Variants in SPATA18 observed in about 807,000 individuals in gnomAD.
SPATA18 encodes the protein mitochondria-eating protein.
In SPATA18, 54 loss-of-function variants were observed where a neutral mutation model predicts 68.1. The ratio of observed to expected loss-of-function variants is 0.79; its 90% CI spans 0.64 to 0.99. SPATA18 has a LOEUF of 0.99. Among genes scored for constraint, SPATA18 ranks in the 50% least tolerant of loss-of-function variants. The probability of loss-of-function intolerance (pLI) is 0.00; values close to 1 mark genes in which losing one functional copy is unlikely to be tolerated. For synonymous variants in SPATA18, 242 were observed against 244.8 expected (o/e 0.99, Z 0.11); for missense variants, 724 against 681.1 (o/e 1.06, Z -0.70).
intron 1 of SPATA18, among the ~76,000 whole-genome samples, chr4:52,052,129 G>A (rs982435288): frequency 6.6e-6 from 1 of 152,040 alleles, no homozygotes; most frequent in African/African-American, 2.4e-5. Flanking sequence ...GTCTGGTCAT[G>A]CCTGCCACTC....
chr4:52,082,610 G>C (rs966470473), intron 10 of SPATA18, 100 bp downstream of exon 10: 1 of 1,605,540 alleles, frequency 6.2e-7, no homozygotes, highest in South Asian at 1.1e-5. Context: ...AGTTTATAAA[G>C]AGTTGATAAG....
intron 1 of SPATA18, among the ~76,000 whole-genome samples, chr4:52,059,858 A>G (rs1738672889): frequency 6.6e-6 from 1 of 152,248 alleles, no homozygotes; most frequent in African/African-American, 2.4e-5. Context: ...AAAGCAGGTA[A>G]ATTCGGCAGT....
intron 4 of SPATA18, among the ~76,000 whole-genome samples, chr4:52,068,900 G>T (rs2109446531): frequency 6.6e-6 from 1 of 151,742 alleles, no homozygotes; most frequent in East Asian, 1.9e-4. Context: ...TTCTTACTTT[G>T]TCACCCAGGC....
intron 6 of SPATA18, among the ~76,000 whole-genome samples, chr4:52,075,935 T>C (rs1365328204): frequency 6.6e-6 from 1 of 152,218 alleles, no homozygotes; most frequent in African/African-American, 2.4e-5. Context: ...AGGCAATAGT[T>C]GAAGCCTAAA....
At position 52,095,757 on chromosome 4, in the gene SPATA18, A is replaced by G. The variant is rs938900210; in HGVS notation, c.*870A>G. 2.0e-5 allele frequency: 3 copies of G among 152,164 alleles called. No homozygotes were observed. Among genetic ancestry groups the G allele is most frequent in the Admixed American group, 2.0e-4 (3 of 15,262 alleles). The allele number at this position is 152,164 out of a possible 1,614,324, so 9.4% of individuals were successfully genotyped here. Reference sequence around the variant, plus strand: ...AGTTATTTGCAAATTCAGACCTCCTATTGAACTCTGTCTGACCAAAACTAC... The same window carrying G: ...AGTTATTTGCAAATTCAGACCTCCTGTTGAACTCTGTCTGACCAAAACTAC... On this transcript the variant is annotated 3_prime_UTR_variant, in exon 13 of 13. Transcript: ENST00000295213.
chr4:52,084,768 G>T (rs1016059361), intron 10 of SPATA18, 148 bp from the exon 11 acceptor site: 1 of 666,080 alleles, frequency 1.5e-6, no homozygotes, highest in Admixed American at 2.6e-5. Context: ...GGAGGTGAAC[G>T]GAGTGTGGCT....
intron 4 of SPATA18, among the ~76,000 whole-genome samples, chr4:52,068,680 A>G (rs889997748): frequency 6.6e-6 from 1 of 152,198 alleles, no homozygotes; most frequent in Non-Finnish European, 1.5e-5. Flanking sequence ...CTGTTCTACC[A>G]TCTAGAGGGA....
Position 52,072,085 on chromosome 4 carries a change from T to TAA in SPATA18, c.688_689dup (p.Lys231ArgfsTer7), listed in dbSNP as rs1310332334. ...AGGACACAGAAGCCATGTCCGATTATAAGAAACAGCTCCGAAACCTGAAGG... is the reference window on the plus strand; with the variant it reads ...AGGACACAGAAGCCATGTCCGATTATAAAAGAAACAGCTCCGAAACCTGAAGG... On this transcript the variant is annotated frameshift_variant, in exon 6 of 13. Coordinates refer to ENST00000295213, the MANE Select transcript of SPATA18 (RefSeq NM_145263.4). LOFTEE classifies it high-confidence loss of function. 1 of 1,614,036 alleles carries TAA rather than the reference T, an allele frequency of 6.2e-7. No individual in the cohort carries two copies. The highest frequency in any genetic ancestry group is 8.5e-7 in the Non-Finnish European group (1 of 1,180,012).
Position 52,072,021 on chromosome 4 carries a change from G to T in SPATA18, c.623G>T (p.Arg208Leu), listed in dbSNP as rs748412723. The part of the protein sequence containing the change: ...SEPWSLEERK[R>L]EQWNSLKQNA... ...CCTTGGAGCTTGGAGGAGCGGAAGC[G>T]TGAGCAGTGGAACTCACTCAAGCAG... Residue 208 changes from arginine (R) to leucine (L), a missense_variant, in exon 6 of 13, where the codon CGT (arginine) becomes CTT (leucine). Transcript: ENST00000295213. 1 of 1,613,804 alleles carries T rather than the reference G, an allele frequency of 6.2e-7. No homozygotes were observed. Among genetic ancestry groups the T allele is most frequent in the African/African-American group, 1.3e-5 (1 of 74,846 alleles).
chr4:52,051,483 G>A lies in SPATA18; in HGVS notation c.-222G>A. ...GGGGAGCCAGGAGACCGCGCGGGAC[G>A]GCGGATGAGGCGCGGCGGCTGCGGC... is the stretch of plus-strand genomic sequence containing the variant. On this transcript the variant is annotated 5_prime_UTR_variant, in exon 1 of 13. Coordinates refer to ENST00000295213, the MANE Select transcript of SPATA18 (RefSeq NM_145263.4). 1.8e-6 allele frequency: 1 copy of A among 545,486 alleles called. No individual in the cohort carries two copies. The allele number at this position is 545,486 out of a possible 1,614,324, so 33.8% of individuals were successfully genotyped here.
intron 9 of SPATA18, among the ~76,000 whole-genome samples, chr4:52,081,827 C>T (rs1488812275): frequency 6.7e-6 from 1 of 148,732 alleles, no homozygotes; most frequent in Non-Finnish European, 1.5e-5. Flanking sequence ...TCAATGTCAT[C>T]TTTTTTTTTT....
At chr4:52,068,540 G>A (rs984711728) in intron 4 of SPATA18, among the ~76,000 whole-genome samples, 9 of 152,224 alleles carry the variant, frequency 5.9e-5, no homozygotes, top group African/African-American at 1.9e-4. Flanking sequence ...TTTATTAGAG[G>A]AGGAAGCAGG....
chr4:52,094,353 C>G (rs1742245092), intron 11 of SPATA18, among the ~76,000 whole-genome samples, 174 bp from the exon 12 acceptor site: 1 of 152,038 alleles, frequency 6.6e-6, no homozygotes, highest in Non-Finnish European at 1.5e-5. Flanking sequence ...TAAACCAATA[C>G]TTCAGAAGTC....
chr4:52,076,858 G>A lies in SPATA18; in HGVS notation c.838G>A (p.Ala280Thr), dbSNP rs150995463. 2.6e-4 allele frequency: 417 copies of A among 1,614,132 alleles called. 1 individual carries two copies. The African/African-American group carries it at 3.4e-3, about 13-fold the overall frequency. The change falls in exon 7 of 13, where the codon GCT becomes ACT. Residue 280 changes from alanine (A) to threonine (T), a missense_variant. Coordinates refer to ENST00000295213, the MANE Select transcript of SPATA18 (RefSeq NM_145263.4). ...CAGCAGATCTGCCAGCCCCTCCACC[G>A]CTGTCAAGGTCAGGAGACCGTCCCC... is the stretch of plus-strand genomic sequence containing the variant. The part of the protein sequence containing the change: ...SRSRSASPST[A>T]VKVRRPSPNR...
At chr4:52,066,050 CTTCT>C (rs1222902483) in intron 4 of SPATA18, among the ~76,000 whole-genome samples, 1 of 152,306 alleles carries the variant, frequency 6.6e-6, no homozygotes, top group African/African-American at 2.4e-5. Flanking sequence ...AATTGCCTTC[CTTCT>C]GACTGGCTTC....
At chr4:52,070,231 T>C (rs1739686200) in intron 5 of SPATA18, among the ~76,000 whole-genome samples, 2 of 152,054 alleles carry the variant, frequency 1.3e-5, no homozygotes, top group Non-Finnish European at 2.9e-5. Flanking sequence ...TGTATAAGTA[T>C]ACAATTTTGG....
rs969950248 is a variant in SPATA18 at position 52,072,151 on chromosome 4, A to G, written c.753A>G (p.Gln251=). 6.2e-7 allele frequency: 1 copy of G among 1,613,764 alleles called. No individual in the cohort carries two copies. The highest frequency in any genetic ancestry group is 1.3e-5 in the African/African-American group (1 of 74,886). Residue 251 remains glutamine, a synonymous_variant, in exon 6 of 13, where the codon CAA becomes CAG. Transcript: ENST00000295213. ...TGTCTGCTGAGAAAAGTGCACTCCAAGGAAGGTCAGACAAACTCTCAAAGA... is the reference window on the plus strand; with the variant it reads ...TGTCTGCTGAGAAAAGTGCACTCCAGGGAAGGTCAGACAAACTCTCAAAGA... ...AVLSAEKSAL[Q]GRSSRSRSPS...
intron 4 of SPATA18, among the ~76,000 whole-genome samples, chr4:52,064,600 C>T (rs562665311): frequency 6.6e-6 from 1 of 152,216 alleles, no homozygotes; most frequent in East Asian, 1.9e-4. Context: ...CTGCAAAGGC[C>T]ATTATTTCAT....
intron 9 of SPATA18, among the ~76,000 whole-genome samples, chr4:52,080,992 T>C (rs913309521): frequency 1.2e-4 from 18 of 152,246 alleles, no homozygotes; most frequent in Non-Finnish European, 1.9e-4. Context: ...GCATGTAATA[T>C]TTTCTTGCCA....
Sources: allele counts gnomAD v4.1 joint callset (sites outside exome capture counted in the v4.1 genomes callset), GRCh38; gene constraint gnomAD v4.1.1; transcripts MANE v1.5; gene names NCBI Gene and HGNC (gene_info 2026-07-23, HGNC 2026-07-21).